Variants in ATP8A2 observed in about 807,000 individuals in gnomAD.
The protein encoded by ATP8A2 is phospholipid-transporting ATPase IB.
In ATP8A2, 100 loss-of-function variants were observed where a neutral mutation model predicts 165.6. That is an observed-to-expected ratio of 0.60 (90% CI 0.51 to 0.71). The LOEUF (loss-of-function observed/expected upper bound fraction) is 0.71, where lower values mean the gene tolerates loss of function less well. Among genes scored for constraint, ATP8A2 ranks in the 30% least tolerant of loss-of-function variants. The probability of loss-of-function intolerance (pLI) is 0.00; values close to 1 mark genes in which losing one functional copy is unlikely to be tolerated. For missense variants in ATP8A2, 1,227 were observed against 1,479.5 expected, an observed-to-expected ratio of 0.83 and a Z score of 2.80; for synonymous variants, 543 against 548.8, an observed-to-expected ratio of 0.99 and a Z score of 0.15.
intron 2 of ATP8A2, among the ~76,000 whole-genome samples, chr13:25,504,222 A>G (rs2036949812): frequency 6.6e-6 from 1 of 152,144 alleles, no homozygotes; most frequent in Non-Finnish European, 1.5e-5. Flanking sequence ...GTCTATATAA[A>G]TGGTATGAGG....
At chr13:25,648,227 G>C (rs1029386940) in intron 24 of ATP8A2, among the ~76,000 whole-genome samples, 2 of 152,018 alleles carry the variant, frequency 1.3e-5, no homozygotes, top group African/African-American at 4.8e-5. Flanking sequence ...TTCCAGTTCA[G>C]ATATTGCTTC....
chr13:25,731,216 AAAG>A (rs2043622045), intron 25 of ATP8A2, among the ~76,000 whole-genome samples: 1 of 151,344 alleles, frequency 6.6e-6, no homozygotes, highest in African/African-American at 2.4e-5. Flanking sequence ...AGAGAAAGAG[AAAG>A]AAGAAAGAAG....
At chr13:26,009,712 G>A (rs1182674360) in intron 35 of ATP8A2, among the ~76,000 whole-genome samples, 1 of 152,210 alleles carries the variant, frequency 6.6e-6, no homozygotes. Context: ...ACAGTGTGTG[G>A]AGGAAGGGCT....
intron 24 of ATP8A2, among the ~76,000 whole-genome samples, chr13:25,666,956 A>T (rs1484324165): frequency 6.6e-6 from 1 of 152,168 alleles, no homozygotes; most frequent in Admixed American, 6.5e-5. Flanking sequence ...ATTAGAAGTC[A>T]TTACTTTTTT....
chr13:25,594,984 G>GTGTATATATA (rs150738527), intron 24 of ATP8A2, among the ~76,000 whole-genome samples: 197 of 142,802 alleles, frequency 1.4e-3, no homozygotes, highest in Middle Eastern at 7.2e-3. Context: ...GTGTGTGTGT[G>GTGTATATATA]TATATATATA....
chr13:25,621,814 T>G (rs1248169380), intron 24 of ATP8A2, among the ~76,000 whole-genome samples: 1 of 152,170 alleles, frequency 6.6e-6, no homozygotes, highest in Non-Finnish European at 1.5e-5. Context: ...AAATCCACAG[T>G]GAGCCCACAG....
chr13:25,856,290 A>C (rs1367905605), intron 30 of ATP8A2, among the ~76,000 whole-genome samples: 1 of 152,238 alleles, frequency 6.6e-6, no homozygotes, highest in African/African-American at 2.4e-5. Context: ...ACTCAAAAAC[A>C]AAAAGTCAAA....
intron 2 of ATP8A2, among the ~76,000 whole-genome samples, chr13:25,472,347 T>A (rs1040316327): frequency 2.8e-5 from 4 of 143,652 alleles, no homozygotes; most frequent in Non-Finnish European, 6.0e-5. Flanking sequence ...TGAGCCCAAA[T>A]CACACCACTG....
intron 2 of ATP8A2, among the ~76,000 whole-genome samples, chr13:25,481,249 G>A (rs1298569976): frequency 2.0e-5 from 3 of 152,096 alleles, no homozygotes; most frequent in African/African-American, 7.2e-5. Flanking sequence ...GGTCTTCATA[G>A]TTACTTCCCA....
chr13:25,567,306 A>T (rs1332744582), intron 16 of ATP8A2: 2 of 456,624 alleles, frequency 4.4e-6, no homozygotes, highest in East Asian at 1.4e-4. Flanking sequence ...TACCTCTCCC[A>T]TTGCCTTCCC....
intron 33 of ATP8A2, among the ~76,000 whole-genome samples, chr13:25,938,349 C>G (rs1236896100): frequency 1.3e-5 from 2 of 152,052 alleles, no homozygotes. Context: ...ACAGGGAATA[C>G]CAGCCAAAAG....
At chr13:25,870,952 AT>A (rs1358539657) in intron 33 of ATP8A2, among the ~76,000 whole-genome samples, 1 of 152,060 alleles carries the variant, frequency 6.6e-6, no homozygotes, top group African/African-American at 2.4e-5. Context: ...AACAGGATTT[AT>A]TTTTTACGTT....
Position 26,019,857 on chromosome 13 carries a change from A to C in ATP8A2, c.3470-31A>C, listed in dbSNP as rs780862402. ...AGTGTGCTCCCCCAATTCTCCTGTT[A>C]ACCAGTTTCTCCTGTGTGCTTCACT... On this transcript the variant is annotated intron_variant, in intron 36 of 36. Coordinates refer to ENST00000381655, the MANE Select transcript of ATP8A2 (RefSeq NM_016529.6). 14 of 1,522,978 alleles carry C rather than the reference A, an allele frequency of 9.2e-6. No homozygotes were observed. In the Admixed American group the frequency reaches 2.4e-4, roughly 26 times the overall value. 94.3% of individuals were successfully genotyped at this position (1,522,978 alleles called of 1,614,324 possible). A position where few individuals can be genotyped will look rare whatever the true frequency, so the allele number is the denominator to read the frequency against.
At chr13:25,655,847 C>T (rs773851789) in intron 24 of ATP8A2, among the ~76,000 whole-genome samples, 8 of 152,100 alleles carry the variant, frequency 5.3e-5, no homozygotes, top group Non-Finnish European at 1.2e-4. Flanking sequence ...GAATGGGATA[C>T]GTACCTTATG....
intron 30 of ATP8A2, among the ~76,000 whole-genome samples, chr13:25,845,057 T>C (rs943096515): frequency 5.9e-5 from 9 of 152,242 alleles, no homozygotes; most frequent in African/African-American, 1.2e-4. Context: ...TTTGTGATGA[T>C]TCATTTCAAA....
At position 25,429,922 on chromosome 13, in the gene ATP8A2, A is replaced by G. The variant is rs1291744165; in HGVS notation, c.77-39055A>G. Among the ~76,000 whole-genome samples the G allele has an allele frequency of 3.9e-5, 6 of 152,164 alleles. No individual in the cohort carries two copies. In the South Asian group the frequency reaches 8.3e-4, roughly 21 times the overall value. ...GGCTGGGAGGATGAGGTTCTGAAGG[A>G]GAGGGATGGCTGTGGGGATTTTGAG... is the stretch of plus-strand genomic sequence containing the variant. On this transcript the variant is annotated intron_variant, in intron 1 of 36. Coordinates refer to ENST00000381655, the MANE Select transcript of ATP8A2 (RefSeq NM_016529.6).
intron 25 of ATP8A2, among the ~76,000 whole-genome samples, chr13:25,754,970 G>C (rs1298722851): frequency 6.6e-6 from 1 of 152,142 alleles, no homozygotes; most frequent in African/African-American, 2.4e-5. Context: ...ATTGCACCTT[G>C]ATTGGATTAT....
intron 33 of ATP8A2, among the ~76,000 whole-genome samples, chr13:25,892,484 C>CTG (rs1199965195): frequency 1.7e-4 from 26 of 150,952 alleles, no homozygotes; most frequent in South Asian, 8.4e-4. Context: ...CTCTGTCTCT[C>CTG]TCTCTCTCTC....
intron 25 of ATP8A2, among the ~76,000 whole-genome samples, chr13:25,753,463 T>C (rs1421191881): frequency 1.3e-5 from 2 of 152,232 alleles, no homozygotes; most frequent in African/African-American, 4.8e-5. Context: ...AATGCATAGC[T>C]GCAAATTTGA....
Sources: allele counts gnomAD v4.1 joint callset (sites outside exome capture counted in the v4.1 genomes callset), GRCh38; gene constraint gnomAD v4.1.1; transcripts MANE v1.5; gene names NCBI Gene and HGNC (gene_info 2026-07-23, HGNC 2026-07-21).